TPM1: variants seen among roughly 807,000 people sequenced by gnomAD.
The protein encoded by TPM1 is tropomyosin alpha-1 chain.
In TPM1, 24 loss-of-function variants were observed where a neutral mutation model predicts 42.9. The observed-to-expected ratio is 0.56, with a 90% CI of 0.41 to 0.79. The LOEUF is 0.79. Among genes scored for constraint, TPM1 ranks in the 30% least tolerant of loss-of-function variants. The pLI, the probability that TPM1 is intolerant of heterozygous loss-of-function variation, is 0.00. For synonymous variants in TPM1, 136 were observed against 130.1 expected (o/e 1.05, Z -0.31); for missense variants, 158 against 351.8 (o/e 0.45, Z 4.41).
chr15:63,069,837 C>A (rs377490004), downstream of TPM1: 1 of 1,613,800 alleles, frequency 6.2e-7, no homozygotes, highest in African/African-American at 1.3e-5. Flanking sequence ...CCTTCTGCCT[C>A]TTTTCTGCTA....
chr15:63,067,421 A>T (rs528990379), downstream of TPM1, among the ~76,000 whole-genome samples: 1 of 152,160 alleles, frequency 6.6e-6, no homozygotes, highest in Admixed American at 6.5e-5. Flanking sequence ...TTCCTTCCTC[A>T]TTCTTTTTTA....
At chr15:63,063,208 C>G in intron 8 of TPM1, 3 of 985,286 alleles carry the variant, frequency 3.0e-6, no homozygotes, top group Non-Finnish European at 3.6e-6. Flanking sequence ...CACAGATATC[C>G]TAAATGTTGA....
Position 63,048,459 on chromosome 15 carries a change from A to G in TPM1, c.240+4307A>G, listed in dbSNP as rs1178179876. 14 of 1,361,464 alleles carry G rather than the reference A, an allele frequency of 1.0e-5. No individual in the cohort carries two copies. In the South Asian group the frequency reaches 2.4e-4, roughly 24 times the overall value. The allele number at this position is 1,361,464 out of a possible 1,614,324, so 84.3% of individuals were successfully genotyped here. On this transcript the variant is annotated intron_variant, in intron 2 of 9. Transcript: ENST00000403994. ...CAGGGGGCGCCGCCATCGCACAGAG[A>G]GGCCTGGGCGGGGCGGACCGGCGCT...
downstream of TPM1, chr15:63,070,829 G>C: frequency 1.6e-6 from 2 of 1,266,140 alleles, no homozygotes; most frequent in East Asian, 4.0e-5. Flanking sequence ...CAAACCCCAC[G>C]TGCATTTTAT....
At chr15:63,057,375 C>T (rs2034972419) in intron 3 of TPM1, among the ~76,000 whole-genome samples, 1 of 152,162 alleles carries the variant, frequency 6.6e-6, no homozygotes, top group South Asian at 2.1e-4. Context: ...CAGAACTCAC[C>T]ATCTAATGAG....
intron 2 of TPM1, chr15:63,044,999 A>C (rs2140645028): frequency 6.6e-6 from 1 of 152,230 alleles, no homozygotes; most frequent in Admixed American, 6.5e-5. Context: ...TCGGAAAGTC[A>C]AGCCAAAGGA....
intron 2 of TPM1, chr15:63,048,729 C>A: frequency 1.3e-6 from 2 of 1,531,064 alleles, no homozygotes; most frequent in South Asian, 1.2e-5. Flanking sequence ...ACCCATCACC[C>A]CGCAGCCCCC....
At chr15:63,059,134 G>A (rs893445272) in intron 3 of TPM1, among the ~76,000 whole-genome samples, 8 of 152,188 alleles carry the variant, frequency 5.3e-5, no homozygotes, top group Admixed American at 2.0e-4. Context: ...TGTAGAAAGA[G>A]GTATATAAAG....
At chr15:63,055,200 G>A (rs139144472) in intron 2 of TPM1, among the ~76,000 whole-genome samples, 1 of 152,276 alleles carries the variant, frequency 6.6e-6, no homozygotes, top group East Asian at 1.9e-4. Flanking sequence ...TTACTTTGTA[G>A]GCAGTACAGT....
chr15:63,052,021 C>T (rs1213750017), intron 2 of TPM1, among the ~76,000 whole-genome samples: 2 of 151,232 alleles, frequency 1.3e-5, no homozygotes. Context: ...AGAGGAGGGT[C>T]ATATGCATTG....
downstream of TPM1, among the ~76,000 whole-genome samples, chr15:63,066,851 G>A (rs1015870140): frequency 6.6e-6 from 1 of 150,436 alleles, no homozygotes; most frequent in Non-Finnish European, 1.5e-5. Flanking sequence ...CAATGGCTGT[G>A]TTTTCATTTG....
intron 8 of TPM1, 182 bp from the exon 9 acceptor site, chr15:63,063,882 A>G: frequency 1.4e-6 from 1 of 709,038 alleles, no homozygotes; most frequent in Non-Finnish European, 2.2e-6. Flanking sequence ...TTTTTGTTTC[A>G]ATTTACTTAA....
intron 7 of TPM1, 102 bp from the exon 8 acceptor site, chr15:63,062,474 T>C: frequency 1.4e-6 from 2 of 1,420,254 alleles, no homozygotes; most frequent in Non-Finnish European, 2.0e-6. Context: ...TCTGATCCAT[T>C]TTATAGGTGA....
intron 2 of TPM1, chr15:63,048,146 C>T (rs1242360519): frequency 9.1e-6 from 4 of 439,256 alleles, no homozygotes; most frequent in African/African-American, 2.1e-5. Context: ...CAGCAGGAGT[C>T]GCTATTGCCC....
intron 9 of TPM1, chr15:63,064,528 TACA>T (rs2036053097): frequency 9.3e-7 from 1 of 1,079,332 alleles, no homozygotes; most frequent in South Asian, 2.8e-5. Flanking sequence ...TTCAACTAAG[TACA>T]ACATAATCAT....
downstream of TPM1, chr15:63,070,247 A>G: frequency 1.7e-6 from 2 of 1,167,658 alleles, no homozygotes; most frequent in South Asian, 1.9e-5. Flanking sequence ...CCCCCAAAAA[A>G]TGTTTTCTAT....
At chr15:63,061,229 A>G in intron 5 of TPM1, 1 of 1,614,236 alleles carries the variant, frequency 6.2e-7, no homozygotes, top group Non-Finnish European at 8.5e-7. Context: ...ACAATTAAGA[A>G]TAATGGATCA....
At chr15:63,045,829 T>C (rs1188007283) in intron 2 of TPM1, 1 of 152,142 alleles carries the variant, frequency 6.6e-6, no homozygotes, top group Non-Finnish European at 1.5e-5. Context: ...GGAGGGAGCT[T>C]CTTGAATCTT....
chr15:63,068,995 CA>C (rs5813198), downstream of TPM1, among the ~76,000 whole-genome samples: 90,072 of 151,162 alleles, frequency 0.6, 27,385 homozygotes, highest in Admixed American at 0.68. Context: ...AAAAAAAATA[CA>C]AAAAAAATTA....
Sources: allele counts gnomAD v4.1 joint callset (sites outside exome capture counted in the v4.1 genomes callset), GRCh38; gene constraint gnomAD v4.1.1; transcripts MANE v1.5; gene names NCBI Gene and HGNC (gene_info 2026-07-23, HGNC 2026-07-21).